ZFYVE9: variants seen among roughly 807,000 people sequenced by gnomAD.
The protein encoded by ZFYVE9 is zinc finger FYVE domain-containing protein 9.
A neutral mutation model predicts 126.7 loss-of-function variants in ZFYVE9; 43 were observed. The ratio of observed to expected loss-of-function variants is 0.34; its 90% CI spans 0.27 to 0.44. The LOEUF is 0.44. Ranked by LOEUF, ZFYVE9 falls within the 20% of genes least tolerant of loss-of-function variation. The pLI, the probability that ZFYVE9 is intolerant of heterozygous loss-of-function variation, is 1.00. For missense variants in ZFYVE9, 1,476 were observed against 1,697.0 expected (o/e 0.87, Z 2.29); for synonymous variants, 521 against 597.4 (o/e 0.87, Z 1.87).
chr1:52,223,220 G>T (rs989480174), intron 2 of ZFYVE9, among the ~76,000 whole-genome samples: 1 of 152,026 alleles, frequency 6.6e-6, no homozygotes, highest in Non-Finnish European at 1.5e-5. Flanking sequence ...TCCCATTCAG[G>T]ACATTCCCTC....
intron 11 of ZFYVE9, among the ~76,000 whole-genome samples, chr1:52,295,341 TTTG>T (rs1412969441): frequency 3.2e-5 from 2 of 62,452 alleles, no homozygotes; most frequent in African/African-American, 3.3e-4. Context: ...ACCTTGTGGG[TTTG>T]TTTGTTTGTT....
rs1646423332 is a variant in ZFYVE9, at chr1:52,340,361, A to T, written c.3939+130A>T. 7 of 668,842 alleles carry T rather than the reference A, an allele frequency of 1.0e-5. No homozygotes were observed. The South Asian group carries it at 1.4e-4, about 13-fold the overall frequency. 41.4% of individuals were successfully genotyped at this position (668,842 alleles called of 1,614,324 possible). On this transcript the variant is annotated intron_variant, in intron 17 of 18. Transcript: ENST00000287727. ...TCTGAGAAAAATCTTTCTCGTTTATACTACAATTCCTATCTGAAATCACCA... is the reference window on the plus strand; with the variant it reads ...TCTGAGAAAAATCTTTCTCGTTTATTCTACAATTCCTATCTGAAATCACCA...
intron 1 of ZFYVE9, among the ~76,000 whole-genome samples, chr1:52,187,816 G>A (rs1418658475): frequency 1.3e-5 from 2 of 152,186 alleles, no homozygotes; most frequent in African/African-American, 2.4e-5. Flanking sequence ...ATGCTGACAA[G>A]GTTGTGGAGA....
intron 13 of ZFYVE9, among the ~76,000 whole-genome samples, chr1:52,329,004 A>C (rs1646315927): frequency 6.6e-6 from 1 of 152,208 alleles, no homozygotes; most frequent in African/African-American, 2.4e-5. Flanking sequence ...AAATTTAACC[A>C]AGGAAGTAAA....
intron 17 of ZFYVE9, among the ~76,000 whole-genome samples, chr1:52,342,149 G>A (rs993957253): frequency 3.9e-5 from 6 of 152,174 alleles, no homozygotes; most frequent in African/African-American, 1.4e-4. Context: ...CCAGGTACGG[G>A]GCTTCGGAGC....
chr1:52,148,882 G>A (rs1178917719), intron 1 of ZFYVE9, among the ~76,000 whole-genome samples: 6 of 147,048 alleles, frequency 4.1e-5, no homozygotes, highest in African/African-American at 1.5e-4. Context: ...CAAGTGATCT[G>A]CCTGCCTTGG....
At chr1:52,161,888 A>T (rs1214633519) in intron 1 of ZFYVE9, among the ~76,000 whole-genome samples, 1 of 152,106 alleles carries the variant, frequency 6.6e-6, no homozygotes, top group African/African-American at 2.4e-5. Context: ...AAGAAGCTTT[A>T]AAAAGGTAAT....
chr1:52,233,797 G>T (rs548927590), intron 3 of ZFYVE9, among the ~76,000 whole-genome samples: 80 of 152,186 alleles, frequency 5.3e-4, no homozygotes, highest in African/African-American at 1.7e-3. Context: ...TTTGTTTGTT[G>T]GTTGGTTGGT....
At position 52,239,366 on chromosome 1, in the gene ZFYVE9, A is replaced by C; in HGVS notation, c.1949A>C (p.Glu650Ala). ...SNVDTNGEHL[E>A]SYEAEISTRP... ...GTCGATACAAATGGGGAACATTTAG[A>C]AAGTTATGAGGCTGAGATCTCCACT... The change falls in exon 4 of 19, where the codon GAA (glutamate) becomes GCA (alanine). Residue 650 changes from glutamate to alanine, a missense_variant. Around this residue, in one of 2 missense-constraint regions of ZFYVE9, gnomAD observed 807 missense variants for 794.6 expected, o/e 1.02. Transcript: ENST00000287727. 1 of 1,614,130 alleles carries C rather than the reference A, an allele frequency of 6.2e-7. No homozygotes were observed. The highest frequency in any genetic ancestry group is 8.5e-7 in the Non-Finnish European group (1 of 1,179,996).
intron 13 of ZFYVE9, among the ~76,000 whole-genome samples, chr1:52,331,595 C>G (rs1169411994): frequency 6.6e-6 from 1 of 150,714 alleles, no homozygotes; most frequent in East Asian, 2.0e-4. Context: ...TATAAAAATA[C>G]AAAAAAATTA....
At chr1:52,206,680 G>T (rs927312129) in intron 1 of ZFYVE9, among the ~76,000 whole-genome samples, 1 of 152,104 alleles carries the variant, frequency 6.6e-6, no homozygotes, top group African/African-American at 2.4e-5. Context: ...CTCCTGAGTA[G>T]CTGGGACTAC....
At chr1:52,194,430 A>G (rs772970955) in intron 1 of ZFYVE9, among the ~76,000 whole-genome samples, 1 of 152,200 alleles carries the variant, frequency 6.6e-6, no homozygotes, top group Non-Finnish European at 1.5e-5. Flanking sequence ...TAAACATGAT[A>G]CATATAAGGA....
At chr1:52,336,387 T>A (rs922833665) in intron 15 of ZFYVE9, among the ~76,000 whole-genome samples, 3 of 145,388 alleles carry the variant, frequency 2.1e-5, no homozygotes, top group African/African-American at 5.1e-5. Flanking sequence ...TTTTTTTTTT[T>A]AAGATGGAGG....
chr1:52,249,806 A>G (rs944404898), intron 4 of ZFYVE9, among the ~76,000 whole-genome samples: 1 of 152,086 alleles, frequency 6.6e-6, no homozygotes, highest in Non-Finnish European at 1.5e-5. Context: ...TGTGTATAGT[A>G]TTAGCTTAGT....
chr1:52,309,285 T>C (rs1474518788), intron 13 of ZFYVE9, among the ~76,000 whole-genome samples: 2 of 152,266 alleles, frequency 1.3e-5, no homozygotes, highest in East Asian at 3.9e-4. Context: ...AAGATCAGCC[T>C]GGGCAACATG....
At chr1:52,173,478 C>T (rs935805234) in intron 1 of ZFYVE9, among the ~76,000 whole-genome samples, 1 of 152,116 alleles carries the variant, frequency 6.6e-6, no homozygotes, top group Non-Finnish European at 1.5e-5. Flanking sequence ...TTGGTTGTGT[C>T]TCTGCCCGGC....
chr1:52,206,395 C>G (rs1644978289), intron 1 of ZFYVE9, among the ~76,000 whole-genome samples: 1 of 152,174 alleles, frequency 6.6e-6, no homozygotes, highest in East Asian at 1.9e-4. Flanking sequence ...CAAGAGATGT[C>G]TAACATCTCA....
At position 52,156,191 on chromosome 1, in the gene ZFYVE9, A is replaced by G. The variant is rs568320664; in HGVS notation, c.-143+13788A>G. On this transcript the variant is annotated intron_variant, in intron 1 of 18. Coordinates refer to ENST00000287727, the MANE Select transcript of ZFYVE9 (RefSeq NM_004799.4). ...CTGCTTCTGATCCTCTTTTCTGATTAGGATAGAAAGGAACTTATTTGCCAT... is the reference window on the plus strand; with the variant it reads ...CTGCTTCTGATCCTCTTTTCTGATTGGGATAGAAAGGAACTTATTTGCCAT... 1.4e-3 allele frequency among the ~76,000 whole-genome samples: 217 copies of G among 152,338 alleles called. 2 individuals are homozygous for G. Among genetic ancestry groups the G allele is most frequent in the Non-Finnish European group, 2.4e-3 (160 of 68,034 alleles).
chr1:52,151,286 A>C (rs927647498), intron 1 of ZFYVE9, among the ~76,000 whole-genome samples: 2 of 152,068 alleles, frequency 1.3e-5, no homozygotes, highest in Non-Finnish European at 2.9e-5. Context: ...AGTGTTTCAC[A>C]TATGTTATTT....
Sources: gnomAD v4.1 joint callset for allele counts (sites outside exome capture counted in the v4.1 genomes callset) on GRCh38, gnomAD v4.1.1 for gene constraint, gnomAD v4.1.1 regional missense constraint, MANE v1.5 for transcripts, NCBI Gene and HGNC (gene_info 2026-07-23, HGNC 2026-07-21) for gene names.